Variants in JAK1 observed in about 807,000 individuals in gnomAD.
The protein encoded by JAK1 is tyrosine-protein kinase JAK1.
A neutral mutation model predicts 136.6 loss-of-function variants in JAK1; 16 were observed. The observed-to-expected ratio is 0.12, with a 90% CI of 0.08 to 0.18. The LOEUF is 0.18. Among genes scored for constraint, JAK1 ranks in the 10% least tolerant of loss-of-function variants. The probability of loss-of-function intolerance (pLI) is 1.00; values close to 1 mark genes in which losing one functional copy is unlikely to be tolerated. For missense variants in JAK1, 859 were observed against 1,450.1 expected (o/e 0.59, Z 6.62); for synonymous variants, 492 against 519.5 (o/e 0.95, Z 0.72).
In JAK1 at chr1:64,914,263, G is replaced by A. The variant is rs551197801; in HGVS notation, c.-77-27922C>T. Among the ~76,000 whole-genome samples, 37 of 152,246 alleles carry A rather than the reference G, an allele frequency of 2.4e-4. 1 individual carries two copies. The East Asian group carries it at 2.5e-3, about 10-fold the overall frequency. ...GCACTAGGGATTCAAAAATAAACAC[G>A]ATCTACTCGCTGCCTTATGGAAAGT... On this transcript the variant is annotated intron_variant, in intron 1 of 24. Coordinates refer to ENST00000342505, the MANE Select transcript of JAK1 (RefSeq NM_002227.4).
At chr1:64,860,629 T>C (rs1570654416) in intron 8 of JAK1, among the ~76,000 whole-genome samples, 1 of 152,062 alleles carries the variant, frequency 6.6e-6, no homozygotes, top group East Asian at 1.9e-4. Context: ...AATTTTTGTA[T>C]TTTTAGTAGA....
At chr1:64,836,313 T>A in intron 22 of JAK1, 98 bp from the exon 23 acceptor site, 1 of 742,404 alleles carries the variant, frequency 1.3e-6, no homozygotes, top group Non-Finnish European at 2.4e-6. Flanking sequence ...GTTTTTCTTA[T>A]AATTTAATAC....
chr1:65,064,565 C>A (rs1647959906), intron 1 of JAK1, among the ~76,000 whole-genome samples: 1 of 152,216 alleles, frequency 6.6e-6, no homozygotes, highest in Admixed American at 6.5e-5. Context: ...AATTCAGGGA[C>A]TGAATGGAGA....
chr1:64,947,773 T>A (rs1321781612), intron 1 of JAK1, among the ~76,000 whole-genome samples: 2 of 151,990 alleles, frequency 1.3e-5, no homozygotes, highest in African/African-American at 4.8e-5. Context: ...AAAACAGTAG[T>A]ACACAAGTCC....
At chr1:64,917,590 G>GA (rs1315607430) in intron 1 of JAK1, among the ~76,000 whole-genome samples, 2 of 152,196 alleles carry the variant, frequency 1.3e-5, no homozygotes, top group East Asian at 1.9e-4. Flanking sequence ...ATTGAGGGTA[G>GA]AATGCCTGGG....
At chr1:64,852,053 C>T (rs1344583181) in intron 11 of JAK1, among the ~76,000 whole-genome samples, 2 of 152,218 alleles carry the variant, frequency 1.3e-5, no homozygotes, top group African/African-American at 4.8e-5. Flanking sequence ...CACAGGGCCA[C>T]GTCTCTAATC....
chr1:64,839,141 G>A (rs150355017), intron 20 of JAK1, among the ~76,000 whole-genome samples: 3,917 of 90,290 alleles, frequency 0.043, 115 homozygotes, highest in East Asian at 0.22. Context: ...GCGAGACTCC[G>A]TCTCAAAAAA....
chr1:64,835,361 T>TG, intron 24 of JAK1, 35 bp downstream of exon 24: 2 of 1,116,128 alleles, frequency 1.8e-6, no homozygotes, highest in South Asian at 2.8e-5. Flanking sequence ...ATAATAGAAA[T>TG]GGAGTGTTAT....
intron 1 of JAK1, among the ~76,000 whole-genome samples, chr1:64,910,490 G>A (rs1358577262): frequency 1.3e-5 from 2 of 152,200 alleles, no homozygotes; most frequent in African/African-American, 4.8e-5. Flanking sequence ...TTCATCTAGA[G>A]CTTTTGTGGT....
At chr1:64,953,821 A>G (rs6660436) in intron 1 of JAK1, among the ~76,000 whole-genome samples, 111,491 of 151,926 alleles carry the variant, frequency 0.73, 43,566 homozygotes, top group Middle Eastern at 0.94. Context: ...TGCCACGCCC[A>G]GCTAATTTCT....
chr1:65,005,392 G>A (rs1428352234), intron 2 of JAK1, among the ~76,000 whole-genome samples: 3 of 152,084 alleles, frequency 2.0e-5, no homozygotes, highest in Non-Finnish European at 4.4e-5. Context: ...GGCTGGGAAG[G>A]GTAGTGGGAG....
intron 1 of JAK1, among the ~76,000 whole-genome samples, chr1:64,919,566 G>A (rs1224503221): frequency 6.6e-6 from 1 of 152,088 alleles, no homozygotes; most frequent in Non-Finnish European, 1.5e-5. Flanking sequence ...GATATTTCTA[G>A]TTCTAGATCC....
intron 2 of JAK1, among the ~76,000 whole-genome samples, chr1:65,004,750 T>C (rs1471442202): frequency 6.6e-6 from 1 of 152,204 alleles, no homozygotes; most frequent in African/African-American, 2.4e-5. Flanking sequence ...TATAATAATA[T>C]AATCCAAGTA....
In JAK1 at chr1:64,847,502, G is replaced by T. The variant is rs746615461; in HGVS notation, c.1899+30C>A. On this transcript the variant is annotated intron_variant, in intron 13 of 24. Coordinates refer to ENST00000342505, the MANE Select transcript of JAK1 (RefSeq NM_002227.4). ...CACTGGCTCCAGAAACGGGAGAGGG[G>T]AGGGGAGGAGTTCAGAGGAAGACAC... The T allele has an allele frequency of 5.6e-6, 9 of 1,613,022 alleles. No individual in the cohort carries two copies. In the African/African-American group the frequency reaches 8.0e-5, roughly 14 times the overall value.
At chr1:64,848,927 A>G (rs971707073) in intron 12 of JAK1, among the ~76,000 whole-genome samples, 4 of 152,242 alleles carry the variant, frequency 2.6e-5, no homozygotes, top group Non-Finnish European at 5.9e-5. Context: ...TGTCTGCTGT[A>G]TCCTGGCAAG....
chr1:64,864,048 T>C (rs994092262), intron 8 of JAK1, among the ~76,000 whole-genome samples: 2 of 152,236 alleles, frequency 1.3e-5, no homozygotes, highest in African/African-American at 2.4e-5. Context: ...AGTGACTGTC[T>C]GCCCTAAACC....
intron 2 of JAK1, among the ~76,000 whole-genome samples, chr1:64,998,047 TCAAA>T (rs1646719868): frequency 6.6e-6 from 1 of 152,144 alleles, no homozygotes; most frequent in African/African-American, 2.4e-5. Flanking sequence ...AATTAAAAAG[TCAAA>T]CAAGTTAAAA....
chr1:64,969,393 C>T (rs889463661), upstream of JAK1, among the ~76,000 whole-genome samples: 22 of 139,650 alleles, frequency 1.6e-4, no homozygotes, highest in Admixed American at 5.1e-4. Context: ...TCCTCTTGTT[C>T]CCCCATCACA....
At chr1:65,020,149 CG>C (rs2100790359) in intron 2 of JAK1, among the ~76,000 whole-genome samples, 1 of 142,976 alleles carries the variant, frequency 7.0e-6, no homozygotes, top group African/African-American at 2.6e-5. Context: ...CGCTTGAACC[CG>C]GGAGGCGGAG....
Sources: allele counts gnomAD v4.1 joint callset (sites outside exome capture counted in the v4.1 genomes callset), GRCh38; gene constraint gnomAD v4.1.1; transcripts MANE v1.5; gene names NCBI Gene and HGNC (gene_info 2026-07-23, HGNC 2026-07-21).